Variants in DOCK9 observed in about 807,000 individuals in gnomAD.
The protein encoded by DOCK9 is dedicator of cytokinesis protein 9.
In DOCK9, 89 loss-of-function variants were observed where a neutral mutation model predicts 263.3. The ratio of observed to expected loss-of-function variants is 0.34; its 90% CI spans 0.28 to 0.40. The LOEUF is 0.40. Ranked by LOEUF, DOCK9 falls within the 10% of genes least tolerant of loss-of-function variation. The pLI is 1.00. For synonymous variants in DOCK9, 976 were observed against 973.1 expected, an observed-to-expected ratio of 1.00 and a Z score of -0.06; for missense variants, 2,140 against 2,603.4, an observed-to-expected ratio of 0.82 and a Z score of 3.87.
At chr13:98,975,271 CG>C (rs1420071550) in intron 1 of DOCK9, among the ~76,000 whole-genome samples, 1 of 151,154 alleles carries the variant, frequency 6.6e-6, no homozygotes, top group Non-Finnish European at 1.5e-5. Context: ...CTTAGCTACT[CG>C]GGAGGCTTGA....
chr13:98,886,594 A>C lies in DOCK9; in HGVS notation c.2074T>G (p.Phe692Val), dbSNP rs781229710. Residue 692 changes from phenylalanine to valine, a missense_variant, in exon 19 of 53, where the codon TTC (phenylalanine) becomes GTC (valine). Coordinates refer to ENST00000682017, the MANE Select transcript of DOCK9 (RefSeq NM_001366683.2). ...CIYGRPGGPV[F>V]TRSAFAAVLH... Reference sequence around the variant, plus strand: ...ACTGCAGCAAAGGCGCTTCTTGTGAAAACTGGCCCACCAGGTCTGCCATAA... The same window carrying C: ...ACTGCAGCAAAGGCGCTTCTTGTGACAACTGGCCCACCAGGTCTGCCATAA... 1.2e-5 allele frequency: 20 copies of C among 1,613,838 alleles called. No individual in the cohort carries two copies. In the Admixed American group the frequency reaches 3.3e-4, roughly 27 times the overall value.
At chr13:98,796,142 CA>C in intron 52 of DOCK9, 1 of 1,337,310 alleles carries the variant, frequency 7.5e-7, no homozygotes, top group Non-Finnish European at 1.1e-6. Context: ...TGCTCAAACT[CA>C]AAAAAGTAAT....
In DOCK9 at chr13:98,902,983, G is replaced by T; in HGVS notation, c.1165C>A (p.Pro389Thr). 6.6e-7 allele frequency: 1 copy of T among 1,509,888 alleles called. No homozygotes were observed. 93.5% of individuals were successfully genotyped at this position (1,509,888 alleles called of 1,614,324 possible). The change falls in exon 11 of 53, where the codon CCC becomes ACC. Residue 389 changes from proline to threonine, a missense_variant. Physicochemically the swap from Pro to Thr is conservative, Grantham distance 38. Around this residue, in one of 2 missense-constraint regions of DOCK9, gnomAD observed 1,521 missense variants for 1,741.7 expected, o/e 0.87. Coordinates refer to ENST00000682017, the MANE Select transcript of DOCK9 (RefSeq NM_001366683.2). ...AAATGAAAAATTACATTTGTAGTGG[G>T]TCCTTCTTCATTTTCGGCAACACAG... ...QCCVAENEEGPTTNVEPFFVT... is the reference protein window; with the variant it reads ...QCCVAENEEGTTTNVEPFFVT...
At chr13:98,821,403 C>T (rs1361244954) in intron 45 of DOCK9, among the ~76,000 whole-genome samples, 3 of 152,204 alleles carry the variant, frequency 2.0e-5, no homozygotes, top group African/African-American at 4.8e-5. Flanking sequence ...TAAGGGGTGA[C>T]GCCCAGCTGC....
rs2089003357 is a variant in DOCK9, at chr13:98,793,835, A to C, written c.*791T>G. 1 of 152,664 alleles carries C rather than the reference A, an allele frequency of 6.6e-6. No individual in the cohort carries two copies. The highest frequency in any genetic ancestry group is 1.5e-5 in the Non-Finnish European group (1 of 68,042). 9.5% of individuals were successfully genotyped at this position (152,664 alleles called of 1,614,324 possible). A position where few individuals can be genotyped will look rare whatever the true frequency, so the allele number is the denominator to read the frequency against. On this transcript the variant is annotated 3_prime_UTR_variant, in exon 53 of 53. Coordinates refer to ENST00000682017, the MANE Select transcript of DOCK9 (RefSeq NM_001366683.2). ...GTATTGCATATACTGGAACAGCACA[A>C]ATTTATCACAATTAAACTTAATGCA...
Position 98,999,316 on chromosome 13 carries a change from A to ACACACACACTCT in DOCK9, c.130-43766_130-43765insAGAGTGTGTGTG. On this transcript the variant is annotated intron_variant, in intron 1 of 32. Transcript: ENST00000427887. ...CACACACACACACACACACACACAC[A>ACACACACACTCT]CTCTCTCTCTCTCTCTCTCTGGAAG... is the stretch of plus-strand genomic sequence containing the variant. Among the ~76,000 whole-genome samples the ACACACACACTCT allele has an allele frequency of 1.7e-3, 239 of 138,366 alleles. 1 individual carries two copies. The highest frequency in any genetic ancestry group is 6.2e-3 in the African/African-American group (222 of 35,542). 90.8% of individuals were successfully genotyped at this position (138,366 alleles called of 152,430 possible). A position where few individuals can be genotyped will look rare whatever the true frequency, so the allele number is the denominator to read the frequency against.
intron 1 of DOCK9, among the ~76,000 whole-genome samples, chr13:98,997,803 T>C (rs1261221709): frequency 6.6e-6 from 1 of 152,242 alleles, no homozygotes; most frequent in African/African-American, 2.4e-5. Context: ...AACATTTCCA[T>C]GTGGGGATTC....
intron 2 of DOCK9, among the ~76,000 whole-genome samples, chr13:98,946,426 C>T (rs2056722934): frequency 6.6e-6 from 1 of 152,114 alleles, no homozygotes; most frequent in South Asian, 2.1e-4. Flanking sequence ...CTTACTCACC[C>T]AAGCTCCCCC....
intron 1 of DOCK9, among the ~76,000 whole-genome samples, chr13:99,010,517 T>A (rs67434444): frequency 0.22 from 33,884 of 152,144 alleles, 3,779 homozygotes; most frequent in Middle Eastern, 0.31. Flanking sequence ...TCAGCACACA[T>A]AAGCAATCAA....
At chr13:99,019,198 C>T (rs1377654445) in intron 1 of DOCK9, among the ~76,000 whole-genome samples, 1 of 152,070 alleles carries the variant, frequency 6.6e-6, no homozygotes, top group African/African-American at 2.4e-5. Context: ...AGATAGAAAG[C>T]AGATTAGTGA....
intron 1 of DOCK9, among the ~76,000 whole-genome samples, chr13:99,071,757 C>T (rs767635949): frequency 6.6e-6 from 1 of 152,102 alleles, no homozygotes; most frequent in South Asian, 2.1e-4. Context: ...AGTACCAATC[C>T]TTCCACCATT....
At chr13:98,979,319 T>C (rs182710726), upstream of DOCK9, among the ~76,000 whole-genome samples, 54 of 152,116 alleles carry the variant, frequency 3.5e-4, no homozygotes, top group Non-Finnish European at 6.5e-4. Flanking sequence ...CCAGAGGAAC[T>C]CTACCCAGGG....
intron 27 of DOCK9, among the ~76,000 whole-genome samples, chr13:98,877,431 T>A (rs1435172963): frequency 2.0e-5 from 3 of 152,208 alleles, no homozygotes; most frequent in Non-Finnish European, 2.9e-5. Context: ...CCTGGAAGTG[T>A]TCGTTACCTC....
chr13:98,904,587 C>T (rs1424978463), intron 10 of DOCK9, 45 bp downstream of exon 10: 4 of 1,374,090 alleles, frequency 2.9e-6, no homozygotes, highest in Non-Finnish European at 4.0e-6. Flanking sequence ...ATGATTTTCT[C>T]TCCCACATTT....
chr13:98,925,467 A>G lies in DOCK9; in HGVS notation c.416+370T>C, dbSNP rs147757732. Among the ~76,000 whole-genome samples the G allele has an allele frequency of 3.9e-3, 595 of 152,312 alleles. 4 individuals carry two copies. Among genetic ancestry groups the G allele is most frequent in the African/African-American group, 0.014 (570 of 41,568 alleles). On this transcript the variant is annotated intron_variant, in intron 4 of 52. Coordinates refer to ENST00000682017, the MANE Select transcript of DOCK9 (RefSeq NM_001366683.2). ...ATTTATTCAATGTAAAATGCTCTTT[A>G]TAATTATCTTCTTCAAAATATTCTT...
chr13:98,899,376 C>T (rs1217433463), intron 13 of DOCK9, among the ~76,000 whole-genome samples: 1 of 152,186 alleles, frequency 6.6e-6, no homozygotes, highest in Non-Finnish European at 1.5e-5. Flanking sequence ...GCTCCACTAT[C>T]CACACCTGAA....
intron 2 of DOCK9, among the ~76,000 whole-genome samples, chr13:98,931,086 T>C (rs1318898912): frequency 6.6e-6 from 1 of 152,204 alleles, no homozygotes; most frequent in Non-Finnish European, 1.5e-5. Context: ...CATAGATAAC[T>C]AGACACACAG....
intron 6 of DOCK9, among the ~76,000 whole-genome samples, chr13:98,921,545 C>T (rs1346976065): frequency 2.0e-5 from 3 of 152,200 alleles, no homozygotes; most frequent in Non-Finnish European, 4.4e-5. Flanking sequence ...TTTCTCTTCC[C>T]TTTGTTATTA....
chr13:98,925,390 A>AT (rs1438277550), intron 4 of DOCK9, among the ~76,000 whole-genome samples: 1 of 151,706 alleles, frequency 6.6e-6, no homozygotes, highest in African/African-American at 2.4e-5. Context: ...TAAAAAAAAA[A>AT]TTTAACTGGG....
Sources: gnomAD v4.1 joint callset for allele counts (sites outside exome capture counted in the v4.1 genomes callset) on GRCh38, gnomAD v4.1.1 for gene constraint, gnomAD v4.1.1 regional missense constraint, MANE v1.5 for transcripts, NCBI Gene and HGNC (gene_info 2026-07-23, HGNC 2026-07-21) for gene names.